The following ATAD2B variants were observed in gnomAD, a reference collection of about 807,000 sequenced individuals.
The protein encoded by ATAD2B is ATPase family AAA domain-containing protein 2B.
In ATAD2B, 40 loss-of-function variants were observed where a neutral mutation model predicts 167.6. That is an observed-to-expected ratio of 0.24 (90% confidence interval 0.19 to 0.31). ATAD2B has a LOEUF of 0.31. Among genes scored for constraint, ATAD2B ranks in the 10% least tolerant of loss-of-function variants. The pLI is 1.00. For synonymous variants in ATAD2B, 579 were observed against 596.5 expected, an observed-to-expected ratio of 0.97 and a Z score of 0.43; for missense variants, 1,242 against 1,757.2, an observed-to-expected ratio of 0.71 and a Z score of 5.24.
intron 22 of ATAD2B, among the ~76,000 whole-genome samples, chr2:23,771,581 G>A (rs1678333440): frequency 6.6e-6 from 1 of 152,198 alleles, no homozygotes; most frequent in African/African-American, 2.4e-5. Flanking sequence ...TTAATGTGAT[G>A]TATGTGATTA....
chr2:23,871,288 T>TGA (rs1558697780), intron 8 of ATAD2B, among the ~76,000 whole-genome samples: 1 of 148,144 alleles, frequency 6.8e-6, no homozygotes, highest in African/African-American at 2.5e-5. Flanking sequence ...TCTGCTTTAC[T>TGA]AAAAAAAAAA....
Position 23,795,891 on chromosome 2 carries a change from GA to G in ATAD2B, c.2640+2246del, listed in dbSNP as rs1682540263. Among the ~76,000 whole-genome samples the G allele has an allele frequency of 4.0e-5, 6 of 149,200 alleles. No homozygotes were observed. The South Asian group carries it at 1.3e-3, about 31-fold the overall frequency. ...GAGACTCCATCTCAAAAAAAAAAAAGAAAAAAGAAAAAAGAAAGCAAGCATT... is the reference window on the plus strand; with the variant it reads ...GAGACTCCATCTCAAAAAAAAAAAAGAAAAAGAAAAAAGAAAGCAAGCATT... On this transcript the variant is annotated intron_variant, in intron 19 of 27. Coordinates refer to ENST00000238789, the MANE Select transcript of ATAD2B (RefSeq NM_017552.4).
chr2:23,924,328 T>C (rs1375423031), intron 1 of ATAD2B, among the ~76,000 whole-genome samples: 1 of 152,204 alleles, frequency 6.6e-6, no homozygotes, highest in African/African-American at 2.4e-5. Context: ...GGCAACCCCA[T>C]TTTGCACCAA....
chr2:23,695,111 G>T, the ATAD2B span, among the ~76,000 whole-genome samples: 1 of 152,142 alleles, frequency 6.6e-6, no homozygotes, highest in African/African-American at 2.4e-5. The surrounding 1 kb of genome is among the most constrained non-coding windows in gnomAD (Gnocchi z 7.6). Context: ...TGGGACATGG[G>T]ACACCACTGA....
chr2:23,718,381 T>C, the ATAD2B span, among the ~76,000 whole-genome samples: 1 of 152,190 alleles, frequency 6.6e-6, no homozygotes, highest in Non-Finnish European at 1.5e-5. Context: ...TTCTTGTCTC[T>C]CTGGTCAAAC....
At position 23,924,065 on chromosome 2, in the gene ATAD2B, C is replaced by T. The variant is rs1019556089; in HGVS notation, c.216+2490G>A. 2.7e-4 allele frequency among the ~76,000 whole-genome samples: 41 copies of T among 150,516 alleles called. 1 individual carries two copies. Among genetic ancestry groups the T allele is most frequent in the Non-Finnish European group, 7.4e-5 (5 of 67,674 alleles). On this transcript the variant is annotated intron_variant, in intron 1 of 27. Coordinates refer to ENST00000238789, the MANE Select transcript of ATAD2B (RefSeq NM_017552.4). ...GGGCGTGGTGGCGGGCGCCTGTAGT[C>T]CCAGCTACTCGGGAGGCTGAGGCAG...
chr2:23,738,340 CA>C, the ATAD2B span, among the ~76,000 whole-genome samples: 180 of 152,356 alleles, frequency 1.2e-3, no homozygotes, highest in African/African-American at 4.2e-3. Context: ...ATCAGACTAA[CA>C]GCTGATCTCT....
chr2:23,679,389 C>T, the ATAD2B span, among the ~76,000 whole-genome samples: 1 of 152,200 alleles, frequency 6.6e-6, no homozygotes, highest in Non-Finnish European at 1.5e-5. Flanking sequence ...AACAGGCTAG[C>T]CCAGGCTTGT....
chr2:23,881,179 C>T (rs949626087), intron 6 of ATAD2B, among the ~76,000 whole-genome samples: 1 of 152,066 alleles, frequency 6.6e-6, no homozygotes, highest in Non-Finnish European at 1.5e-5. Context: ...TAGGTAATTA[C>T]TAATGTTACA....
At chr2:23,880,087 C>T (rs962441199) in intron 7 of ATAD2B, among the ~76,000 whole-genome samples, 1 of 150,472 alleles carries the variant, frequency 6.6e-6, no homozygotes, top group African/African-American at 2.4e-5. Flanking sequence ...GAGAGAGATA[C>T]TTTCCCTAAA....
chr2:23,926,491 G>A (rs1704851505), intron 1 of ATAD2B, 64 bp downstream of exon 1: 1 of 1,511,526 alleles, frequency 6.6e-7, no homozygotes, highest in East Asian at 2.5e-5. Flanking sequence ...AACCCGGCCA[G>A]ACAAAGCCCC....
At chr2:23,778,044 T>C (rs573200575) in intron 22 of ATAD2B, among the ~76,000 whole-genome samples, 6 of 152,222 alleles carry the variant, frequency 3.9e-5, no homozygotes, top group African/African-American at 1.4e-4. Flanking sequence ...GTAAACGTAA[T>C]ACAACATTCA....
intron 6 of ATAD2B, 109 bp from the exon 7 acceptor site, chr2:23,880,864 A>G: frequency 2.9e-6 from 2 of 681,430 alleles, no homozygotes; most frequent in Non-Finnish European, 2.5e-6. Context: ...CTTTCTGCAC[A>G]GGTGACATTT....
At chr2:23,731,923 G>C in the ATAD2B span, among the ~76,000 whole-genome samples, 1 of 150,224 alleles carries the variant, frequency 6.7e-6, no homozygotes, top group South Asian at 2.1e-4. Context: ...GTTACAGTGA[G>C]ATACGACTGT....
intron 19 of ATAD2B, among the ~76,000 whole-genome samples, chr2:23,793,184 CAAGA>C (rs915827726): frequency 2.0e-5 from 3 of 152,006 alleles, no homozygotes; most frequent in Non-Finnish European, 4.4e-5. Flanking sequence ...GAGACAATGA[CAAGA>C]AACATTTAAG....
chr2:23,697,395 C>CCGT, the ATAD2B span: 3 of 152,342 alleles, frequency 2.0e-5, no homozygotes, highest in Middle Eastern at 0.01. Flanking sequence ...GGAGGGTAAC[C>CCGT]CGTCAGGCTG....
chr2:23,880,274 T>C (rs777101536), intron 7 of ATAD2B, among the ~76,000 whole-genome samples: 64 of 152,172 alleles, frequency 4.2e-4, no homozygotes, highest in Non-Finnish European at 7.5e-4. Context: ...CAGAAGTATA[T>C]GTAGTAAAAA....
At chr2:23,735,335 T>C in the ATAD2B span, among the ~76,000 whole-genome samples, 4 of 152,222 alleles carry the variant, frequency 2.6e-5, no homozygotes, top group African/African-American at 9.6e-5. Flanking sequence ...TAATCTATGA[T>C]GCTATATGAT....
chr2:23,693,281 C>T, the ATAD2B span: 13 of 1,541,794 alleles, frequency 8.4e-6, no homozygotes, highest in Middle Eastern at 2.1e-4. Context: ...AAGCAGCTGA[C>T]GGCCAGCAAC....
Sources: allele counts gnomAD v4.1 joint callset (sites outside exome capture counted in the v4.1 genomes callset), GRCh38; gene constraint gnomAD v4.1.1; non-coding constraint Gnocchi (gnomAD v3.1); transcripts MANE v1.5; gene names NCBI Gene and HGNC (gene_info 2026-07-23, HGNC 2026-07-21).